Variants in ABCA4 observed in about 807,000 individuals in gnomAD.
ABCA4 encodes retinal-specific phospholipid-transporting ATPase ABCA4.
A neutral mutation model predicts 263.7 loss-of-function variants in ABCA4; 196 were observed. That is an observed-to-expected ratio of 0.74 (90% CI 0.66 to 0.84). The LOEUF (loss-of-function observed/expected upper bound fraction) is 0.84, where lower values mean the gene tolerates loss of function less well. ABCA4 is among the 40% of genes least tolerant of loss of function. The pLI, the probability that ABCA4 is intolerant of heterozygous loss-of-function variation, is 0.00. For missense variants in ABCA4, 2,792 were observed against 2,855.1 expected (o/e 0.98, Z 0.50); for synonymous variants, 1,133 against 1,094.2 (o/e 1.04, Z -0.70).
intron 43 of ABCA4, among the ~76,000 whole-genome samples, chr1:94,006,788 G>A (rs1659401546): frequency 6.6e-6 from 1 of 152,206 alleles, no homozygotes; most frequent in African/African-American, 2.4e-5. Flanking sequence ...GAGAGGAAGA[G>A]GCCCCAGTCA....
chr1:94,093,467 C>T (rs1662031305), intron 6 of ABCA4, among the ~76,000 whole-genome samples: 1 of 152,182 alleles, frequency 6.6e-6, no homozygotes, highest in Admixed American at 6.5e-5. Context: ...AACCAACTGA[C>T]CCTGGAGAGA....
At position 94,037,330 on chromosome 1, in the gene ABCA4, C is replaced by G; in HGVS notation, c.3628G>C (p.Asp1210His). ...VLDGDVNELMDVVLHHVPEAK... is the reference protein window; with the variant it reads ...VLDGDVNELMHVVLHHVPEAK... ...TCTGGAACATGGTGGAGAACTACAT[C>G]CATCAGCTCATTTACATCCCCTAGG... The change falls in exon 25 of 50, where the codon GAT (aspartate) becomes CAT (histidine). Residue 1210 changes from aspartate (D) to histidine (H), a missense_variant. Coordinates refer to ENST00000370225, the MANE Select transcript of ABCA4 (RefSeq NM_000350.3). 1 of 1,614,174 alleles carries G rather than the reference C, an allele frequency of 6.2e-7. No homozygotes were observed. Among genetic ancestry groups the G allele is most frequent in the Non-Finnish European group, 8.5e-7 (1 of 1,180,032 alleles).
intron 6 of ABCA4, among the ~76,000 whole-genome samples, chr1:94,092,861 T>C (rs1238470048): frequency 6.6e-6 from 1 of 152,222 alleles, no homozygotes; most frequent in African/African-American, 2.4e-5. Context: ...CAAAAGAGGC[T>C]GTGCTTTTAT....
intron 6 of ABCA4, among the ~76,000 whole-genome samples, chr1:94,086,984 G>C (rs1661848706): frequency 6.6e-6 from 1 of 152,192 alleles, no homozygotes; most frequent in African/African-American, 2.4e-5. Context: ...GGCTCCAGCA[G>C]GTTTATTGCA....
chr1:94,046,470 A>AG (rs1488732955), intron 19 of ABCA4, among the ~76,000 whole-genome samples: 29 of 148,518 alleles, frequency 2.0e-4, no homozygotes, highest in Non-Finnish European at 3.0e-5. Flanking sequence ...AAAAAAAAAA[A>AG]AAAAAAGAAA....
rs1476554749 is a variant in ABCA4 at position 94,031,173 on chromosome 1, C to T, written c.4129-53G>A. ...ATGACTGTGGCATGGAGATGTCACA[C>T]GTGCGCGTGCACACACATCTTCATT... On this transcript the variant is annotated intron_variant, in intron 27 of 49. Coordinates refer to ENST00000370225, the MANE Select transcript of ABCA4 (RefSeq NM_000350.3). 14 of 1,606,252 alleles carry T rather than the reference C, an allele frequency of 8.7e-6. No homozygotes were observed. The East Asian group carries it at 1.1e-4, about 13-fold the overall frequency.
At position 94,048,956 on chromosome 1, in the gene ABCA4, C is replaced by A. The variant is rs1276417785; in HGVS notation, c.2655G>T (p.Gly885=). ...GGGCTCTTTCTTCTCTGGTTGAACACCCTGCACCAATCAGAAGCCAGTGTT... is the reference window on the plus strand; with the variant it reads ...GGGCTCTTTCTTCTCTGGTTGAACAACCTGCACCAATCAGAAGCCAGTGTT... ...LQESYWLGGE[G]CSTREERALE... is the part of the protein sequence containing the mutation. The change falls in exon 18 of 50, where the codon GGG becomes GGT. Residue 885 remains glycine (G), a splice_region_variant and synonymous_variant. Coordinates refer to ENST00000370225, the MANE Select transcript of ABCA4 (RefSeq NM_000350.3). The A allele has an allele frequency of 6.2e-7, 1 of 1,613,918 alleles. No individual in the cohort carries two copies. The highest frequency in any genetic ancestry group is 1.3e-5 in the African/African-American group (1 of 74,974).
intron 36 of ABCA4, 69 bp downstream of exon 36, chr1:94,019,513 C>T (rs1659835914): frequency 6.6e-7 from 1 of 1,515,982 alleles, no homozygotes; most frequent in Admixed American, 2.0e-5. Context: ...TGGTCTGGTC[C>T]TTCAGAGCAC....
intron 5 of ABCA4, among the ~76,000 whole-genome samples, chr1:94,101,964 TG>T (rs1662297422): frequency 6.6e-6 from 1 of 152,234 alleles, no homozygotes; most frequent in African/African-American, 2.4e-5. Flanking sequence ...CTGATGCTGC[TG>T]GTCTCTGGGC....
intron 36 of ABCA4, chr1:94,018,535 TA>T (rs1346424010): frequency 6.6e-6 from 3 of 455,476 alleles, no homozygotes; most frequent in Non-Finnish European, 1.3e-5. Flanking sequence ...CTAAGCTGAG[TA>T]AGATAGAAAT....
At chr1:94,081,190 A>G (rs1390224152) in intron 7 of ABCA4, among the ~76,000 whole-genome samples, 2 of 152,080 alleles carry the variant, frequency 1.3e-5, no homozygotes, top group African/African-American at 4.8e-5. Flanking sequence ...GTGCCACTGC[A>G]CTCCAGCCTG....
chr1:94,000,773 A>G lies in ABCA4; in HGVS notation c.6479+63T>C, dbSNP rs901658615. ...GCAGGACTCTTCCAAGTGTCAATGG[A>G]GAACACAGGATCCAGGTGGATCCAC... On this transcript the variant is annotated intron_variant, in intron 47 of 49. Coordinates refer to ENST00000370225, the MANE Select transcript of ABCA4 (RefSeq NM_000350.3). 1.4e-5 allele frequency: 21 copies of G among 1,536,212 alleles called. No individual in the cohort carries two copies. The Admixed American group carries it at 1.7e-4, about 12-fold the overall frequency.
chr1:94,063,696 A>C (rs1661190995), intron 11 of ABCA4, among the ~76,000 whole-genome samples: 1 of 152,146 alleles, frequency 6.6e-6, no homozygotes, highest in Non-Finnish European at 1.5e-5. Flanking sequence ...TTTGAAGATC[A>C]GAAAGCCTGA....
At chr1:94,116,986 CTT>C (rs1374529219) in intron 1 of ABCA4, among the ~76,000 whole-genome samples, 1 of 110,774 alleles carries the variant, frequency 9.0e-6, no homozygotes, top group Admixed American at 9.2e-5. Context: ...TTCTTTCTTT[CTT>C]TCTTTCTTTC....
intron 43 of ABCA4, among the ~76,000 whole-genome samples, chr1:94,006,528 C>T (rs571761998): frequency 7.2e-5 from 11 of 152,194 alleles, no homozygotes; most frequent in Non-Finnish European, 1.5e-4. Context: ...TATGATATCT[C>T]TACCCTGCCA....
At position 94,019,754 on chromosome 1, in the gene ABCA4, G is replaced by C. The variant is rs375156009; in HGVS notation, c.5024C>G (p.Thr1675Ser). The change falls in exon 36 of 50, where the codon ACC (threonine) becomes AGC (serine). Residue 1675 changes from threonine to serine, a missense_variant. Physicochemically the swap from Thr to Ser is moderately conservative, Grantham distance 58 (BLOSUM62 1). Transcript: ENST00000370225. ...GGCAACCACAGCATCCACTGAAGTG[G>C]TCAGCCTGCAGCAGGGCCAGAGACA... ...KEQLSEITVL[T>S]TSVDAVVAIC... The C allele has an allele frequency of 4.5e-5, 73 of 1,611,960 alleles. No homozygotes were observed. Among genetic ancestry groups the C allele is most frequent in the Non-Finnish European group, 6.0e-5 (71 of 1,179,048 alleles).
In ABCA4 at chr1:94,029,505, C is replaced by G. The variant is rs200156177; in HGVS notation, c.4479G>C (p.Arg1493Ser). ...NPSPSCRCST[R>S]EKLTMLPECP... Reference sequence around the variant, plus strand: ...ACTCTGGCAGCATGGTGAGCTTCTCCCTGGTGCTGCACCTGCAGGATGGTG... The same window carrying G: ...ACTCTGGCAGCATGGTGAGCTTCTCGCTGGTGCTGCACCTGCAGGATGGTG... Residue 1493 changes from arginine to serine, a missense_variant, in exon 30 of 50, where the codon AGG (arginine) becomes AGC (serine). Arg to Ser is a moderately radical substitution (Grantham distance 110). Transcript: ENST00000370225. 2 of 1,600,708 alleles carry G rather than the reference C, an allele frequency of 1.2e-6. No homozygotes were observed. The highest frequency in any genetic ancestry group is 1.7e-6 in the Non-Finnish European group (2 of 1,172,794).
intron 22 of ABCA4, among the ~76,000 whole-genome samples, chr1:94,042,396 G>C (rs1228997234): frequency 1.3e-5 from 2 of 152,170 alleles, no homozygotes; most frequent in Non-Finnish European, 2.9e-5. Context: ...CACTGGTCCT[G>C]AGTGGTCATC....
chr1:94,115,450 A>T (rs941048771), intron 1 of ABCA4, among the ~76,000 whole-genome samples: 1 of 152,158 alleles, frequency 6.6e-6, no homozygotes, highest in African/African-American at 2.4e-5. Flanking sequence ...GTCCTCTCTG[A>T]AATGGGACTG....
Sources: allele counts gnomAD v4.1 joint callset (sites outside exome capture counted in the v4.1 genomes callset), GRCh38; gene constraint gnomAD v4.1.1; transcripts MANE v1.5; gene names NCBI Gene and HGNC (gene_info 2026-07-23, HGNC 2026-07-21).